Variants in SESN1 observed in about 807,000 individuals in gnomAD.
SESN1 encodes the protein sestrin 1.
SESN1 carries 30 observed loss-of-function variants against 59.3 expected under a neutral mutation model. The ratio of observed to expected loss-of-function variants is 0.51; its 90% CI spans 0.38 to 0.69. The LOEUF (loss-of-function observed/expected upper bound fraction) is 0.69, where lower values mean the gene tolerates loss of function less well. Ranked by LOEUF, SESN1 falls within the 30% of genes least tolerant of loss-of-function variation. SESN1 has a pLI of 0.00. For missense variants in SESN1, 566 were observed against 673.0 expected, an observed-to-expected ratio of 0.84 and a Z score of 1.76; for synonymous variants, 197 against 219.9, an observed-to-expected ratio of 0.90 and a Z score of 0.92.
At chr6:109,068,721 C>CTTTTT (rs752278370) in intron 1 of SESN1, among the ~76,000 whole-genome samples, 1 of 133,504 alleles carries the variant, frequency 7.5e-6, no homozygotes, top group African/African-American at 2.8e-5. Flanking sequence ...ATTTCCTGGG[C>CTTTTT]TTTTTTTTTT....
At chr6:108,989,582 TATAGAGAGAG>T (rs763056407) in intron 8 of SESN1, among the ~76,000 whole-genome samples, 51 of 150,990 alleles carry the variant, frequency 3.4e-4, no homozygotes, top group Non-Finnish European at 6.0e-4. Flanking sequence ...GATATCTATA[TATAGAGAGAG>T]ATAGAGAGAG....
chr6:109,067,403 G>A (rs1015765850), intron 1 of SESN1, among the ~76,000 whole-genome samples: 5 of 152,116 alleles, frequency 3.3e-5, no homozygotes, highest in African/African-American at 1.2e-4. Context: ...ACATTTTGGA[G>A]GTAAAAGATA....
In SESN1 at chr6:109,040,113, A is replaced by G. The variant is rs569574009; in HGVS notation, c.280-37770T>C. Reference sequence around the variant, plus strand: ...GTATTATCTTTAGCGTAAAAACTTCAGTCATGAGATAAGAGATTATTATTT... The same window carrying G: ...GTATTATCTTTAGCGTAAAAACTTCGGTCATGAGATAAGAGATTATTATTT... On this transcript the variant is annotated intron_variant, in intron 1 of 9. Transcript: ENST00000436639. Among the ~76,000 whole-genome samples, 12 of 152,340 alleles carry G rather than the reference A, an allele frequency of 7.9e-5. No homozygotes were observed. The East Asian group carries it at 2.3e-3, about 29-fold the overall frequency.
intron 4 of SESN1, 183 bp downstream of exon 4, chr6:109,000,308 A>G (rs2114303210): frequency 2.2e-6 from 1 of 449,684 alleles, no homozygotes; most frequent in Non-Finnish European, 3.9e-6. Context: ...TACTAGTAAT[A>G]TATCAATTAC....
intron 8 of SESN1, among the ~76,000 whole-genome samples, chr6:108,989,512 TATATAG>T: frequency 6.6e-6 from 1 of 150,892 alleles, no homozygotes; most frequent in East Asian, 1.9e-4. Context: ...TATCTATATA[TATATAG>T]AGAGATATCT....
chr6:109,053,877 AC>A (rs1366916928), intron 1 of SESN1, among the ~76,000 whole-genome samples: 1 of 152,192 alleles, frequency 6.6e-6, no homozygotes, highest in Non-Finnish European at 1.5e-5. Flanking sequence ...GCTTTTGAAT[AC>A]CCTTTAAGAT....
chr6:109,049,625 A>C (rs2114438064), intron 1 of SESN1, among the ~76,000 whole-genome samples: 1 of 151,984 alleles, frequency 6.6e-6, no homozygotes, highest in East Asian at 1.9e-4. Context: ...AAACACTATT[A>C]TGTACCCCAT....
At position 108,992,804 on chromosome 6, in the gene SESN1, G is replaced by C. The variant is rs370356794; in HGVS notation, c.1216C>G (p.Pro406Ala). The C allele has an allele frequency of 8.2e-5, 132 of 1,610,696 alleles. No individual in the cohort carries two copies. The highest frequency in any genetic ancestry group is 1.1e-4 in the Non-Finnish European group (131 of 1,177,174). Residue 406 changes from proline to alanine, a missense_variant, in exon 7 of 10, where the codon CCA becomes GCA. By Grantham distance (27) the Pro-to-Ala change is conservative. Coordinates refer to ENST00000436639, the MANE Select transcript of SESN1 (RefSeq NM_014454.3). ...KDFSRHGMHVPTFRVQDYCWE... is the reference protein window; with the variant it reads ...KDFSRHGMHVATFRVQDYCWE... ...AATTTTACCTGGACACGAAATGTTG[G>C]AACATGCATCCCATGTCTAGAGAAA...
At chr6:109,046,807 C>A (rs1242610175) in intron 1 of SESN1, among the ~76,000 whole-genome samples, 2 of 137,530 alleles carry the variant, frequency 1.5e-5, no homozygotes, top group African/African-American at 2.7e-5. Context: ...CGTCTCTGCC[C>A]GGCCGCCCTG....
At chr6:109,047,376 C>T (rs1780467666) in intron 1 of SESN1, among the ~76,000 whole-genome samples, 3 of 136,742 alleles carry the variant, frequency 2.2e-5, no homozygotes, top group Admixed American at 7.0e-5. Context: ...GCCAGCCGCC[C>T]CGTCCGGGAG....
chr6:109,059,963 C>A lies in SESN1; in HGVS notation c.279+33832G>T, dbSNP rs1780704292. 2.0e-5 allele frequency among the ~76,000 whole-genome samples: 3 copies of A among 152,142 alleles called. No individual in the cohort carries two copies. The South Asian group carries it at 6.2e-4, about 31-fold the overall frequency. ...ACAATGTGACTAAACACAGGGACTT[C>A]CCCTTTGCTACACCATGGTATTCTT... On this transcript the variant is annotated intron_variant, in intron 1 of 9. Transcript: ENST00000436639.
At chr6:109,049,405 A>G (rs1365204354) in intron 1 of SESN1, among the ~76,000 whole-genome samples, 1 of 152,144 alleles carries the variant, frequency 6.6e-6, no homozygotes, top group Non-Finnish European at 1.5e-5. Flanking sequence ...GGGGAATATG[A>G]AGAGATCTGC....
At chr6:109,015,352 A>T (rs1000366029) in intron 1 of SESN1, among the ~76,000 whole-genome samples, 19 of 152,180 alleles carry the variant, frequency 1.2e-4, no homozygotes, top group Non-Finnish European at 2.6e-4. Context: ...GCAGCTATAC[A>T]GGGTCTGACA....
At chr6:109,060,814 C>G (rs550170884) in intron 1 of SESN1, among the ~76,000 whole-genome samples, 2 of 152,128 alleles carry the variant, frequency 1.3e-5, no homozygotes, top group African/African-American at 4.8e-5. Context: ...CTCCACAAGA[C>G]GAATGACCAA....
In SESN1 at chr6:108,986,863, G is replaced by GA. The variant is rs1242515118; in HGVS notation, c.*680dup. On this transcript the variant is annotated 3_prime_UTR_variant, in exon 10 of 10. Transcript: ENST00000436639. Reference sequence around the variant, plus strand: ...CTTTCATTTAGGATTGCTTTTTGAAGAAAATCTTTAAGAATGCCATTTTAA... The same window carrying GA: ...CTTTCATTTAGGATTGCTTTTTGAAGAAAAATCTTTAAGAATGCCATTTTAA... The GA allele has an allele frequency of 6.6e-6, 1 of 152,170 alleles. No individual in the cohort carries two copies. Among genetic ancestry groups the GA allele is most frequent in the African/African-American group, 2.4e-5 (1 of 41,444 alleles). The allele number at this position is 152,170 out of a possible 1,614,324, so 9.4% of individuals were successfully genotyped here.
At chr6:109,017,241 T>G (rs1182158900) in intron 1 of SESN1, among the ~76,000 whole-genome samples, 1 of 152,282 alleles carries the variant, frequency 6.6e-6, no homozygotes, top group East Asian at 1.9e-4. Flanking sequence ...TATGTAACCA[T>G]TTAGCATTCA....
At chr6:109,068,131 C>T (rs1278883427) in intron 1 of SESN1, among the ~76,000 whole-genome samples, 1 of 152,162 alleles carries the variant, frequency 6.6e-6, no homozygotes, top group Non-Finnish European at 1.5e-5. Context: ...CCAGATGTCA[C>T]TAGTTCAAAA....
intron 1 of SESN1, among the ~76,000 whole-genome samples, chr6:109,091,950 C>A (rs1263891319): frequency 6.6e-6 from 1 of 152,194 alleles, no homozygotes; most frequent in African/African-American, 2.4e-5. Context: ...CAGGTCCCAG[C>A]CAGTACTCTT....
intron 1 of SESN1, among the ~76,000 whole-genome samples, chr6:109,004,997 G>A (rs1236488229): frequency 1.3e-5 from 2 of 152,112 alleles, no homozygotes; most frequent in Admixed American, 6.5e-5. Context: ...TACTACAACC[G>A]CTAGGAAGGG....
Sources: gnomAD v4.1 joint callset for allele counts (sites outside exome capture counted in the v4.1 genomes callset) on GRCh38, gnomAD v4.1.1 for gene constraint, MANE v1.5 for transcripts, NCBI Gene and HGNC (gene_info 2026-07-23, HGNC 2026-07-21) for gene names.